The following VEPH1 variants were observed in gnomAD, a reference collection of about 807,000 sequenced individuals.
VEPH1 encodes the protein ventricular zone expressed PH domain containing 1.
A neutral mutation model predicts 85.2 loss-of-function variants in VEPH1; 80 were observed. That is an observed-to-expected ratio of 0.94 (90% CI 0.78 to 1.13). VEPH1 has a LOEUF of 1.13. VEPH1 is among the 50% of genes most tolerant of loss of function. The pLI is 0.00. For synonymous variants in VEPH1, 297 were observed against 348.0 expected (o/e 0.85, Z 1.63); for missense variants, 955 against 980.5 (o/e 0.97, Z 0.35).
At chr3:157,344,534 C>T (rs1395334412) in intron 9 of VEPH1, among the ~76,000 whole-genome samples, 4 of 152,134 alleles carry the variant, frequency 2.6e-5, no homozygotes, top group Admixed American at 2.0e-4. Flanking sequence ...AAAGAGGATA[C>T]AAACAAATGG....
chr3:157,442,444 T>C, intron 4 of VEPH1: 1 of 1,614,236 alleles, frequency 6.2e-7, no homozygotes, highest in Non-Finnish European at 8.5e-7. Context: ...CCAATGAGGC[T>C]TGAGTCTTTT....
intron 13 of VEPH1, among the ~76,000 whole-genome samples, 167 bp from the exon 14 acceptor site, chr3:157,261,537 A>C (rs1399677251): frequency 6.6e-6 from 1 of 152,170 alleles, no homozygotes; most frequent in Non-Finnish European, 1.5e-5. Flanking sequence ...TAACTGAAGG[A>C]GTGAGCAATT....
At chr3:157,498,417 G>C (rs982001517) in intron 1 of VEPH1, among the ~76,000 whole-genome samples, 7 of 152,190 alleles carry the variant, frequency 4.6e-5, no homozygotes, top group Non-Finnish European at 1.0e-4. Flanking sequence ...TGTTTGCCAT[G>C]TGTCAGGTAC....
intron 6 of VEPH1, among the ~76,000 whole-genome samples, chr3:157,384,958 G>T (rs1729136153): frequency 6.6e-6 from 1 of 152,148 alleles, no homozygotes; most frequent in Non-Finnish European, 1.5e-5. Context: ...TATCCCTGCT[G>T]ACACAAATTC....
chr3:157,459,850 CTCA>C, intron 4 of VEPH1: 1 of 1,535,612 alleles, frequency 6.5e-7, no homozygotes, highest in Non-Finnish European at 8.7e-7. Context: ...ACGTGTTCCA[CTCA>C]GTACACAGAG....
In VEPH1 at chr3:157,296,376, C is replaced by T. The variant is rs1337347548; in HGVS notation, c.2011-9702G>A. Among the ~76,000 whole-genome samples the T allele has an allele frequency of 2.0e-5, 3 of 152,132 alleles. No individual in the cohort carries two copies. In the East Asian group the frequency reaches 5.8e-4, roughly 29 times the overall value. On this transcript the variant is annotated intron_variant, in intron 11 of 13. Coordinates refer to ENST00000362010, the MANE Select transcript of VEPH1 (RefSeq NM_001167912.2). ...CAGTTTAGTGAAGCAAAGAGACTAGCAAGGGTCAGACTCTGTGAGGAAGAA... is the reference window on the plus strand; with the variant it reads ...CAGTTTAGTGAAGCAAAGAGACTAGTAAGGGTCAGACTCTGTGAGGAAGAA...
At chr3:157,375,807 T>G (rs911266270) in intron 7 of VEPH1, among the ~76,000 whole-genome samples, 8 of 152,202 alleles carry the variant, frequency 5.3e-5, no homozygotes, top group African/African-American at 1.9e-4. Flanking sequence ...TCAGGCCTGA[T>G]TCTTAAAGTG....
intron 5 of VEPH1, 49 bp from the exon 6 acceptor site, chr3:157,414,139 AAAGTT>A: frequency 7.1e-7 from 1 of 1,414,408 alleles, no homozygotes; most frequent in Non-Finnish European, 9.7e-7. Flanking sequence ...AAGAAAGAGA[AAAGTT>A]AATTAAATTG....
chr3:157,262,237 A>G (rs749850043), intron 13 of VEPH1, among the ~76,000 whole-genome samples: 12 of 152,172 alleles, frequency 7.9e-5, no homozygotes, highest in Non-Finnish European at 1.8e-4. Context: ...ACATCAGGGA[A>G]GTATCCATCA....
At chr3:157,413,307 T>A (rs1731662564) in intron 6 of VEPH1, 2 of 243,236 alleles carry the variant, frequency 8.2e-6, no homozygotes, top group Non-Finnish European at 1.3e-5. Flanking sequence ...TTTAGCCTAG[T>A]ACTTTTAAAC....
intron 12 of VEPH1, among the ~76,000 whole-genome samples, chr3:157,272,752 T>A (rs1269877887): frequency 1.3e-5 from 2 of 152,150 alleles, no homozygotes; most frequent in Non-Finnish European, 2.9e-5. Flanking sequence ...CATGAGCCCC[T>A]GTGCCTAGCC....
intron 9 of VEPH1, among the ~76,000 whole-genome samples, chr3:157,351,832 T>C (rs1265038912): frequency 6.6e-6 from 1 of 152,212 alleles, no homozygotes; most frequent in Non-Finnish European, 1.5e-5. Flanking sequence ...TTCTTTGTTT[T>C]GGGGTGGCGG....
At chr3:157,460,421 C>A in intron 3 of VEPH1, 66 bp from the exon 4 acceptor site, 3 of 1,533,228 alleles carry the variant, frequency 2.0e-6, no homozygotes, top group Non-Finnish European at 2.6e-6. Context: ...TTCATTCACT[C>A]ATTCAAAAAA....
chr3:157,345,228 G>A (rs1172894848), intron 9 of VEPH1, among the ~76,000 whole-genome samples: 1 of 152,154 alleles, frequency 6.6e-6, no homozygotes, highest in Non-Finnish European at 1.5e-5. Context: ...ACTACCATCA[G>A]AGTGAACAGG....
chr3:157,305,009 A>T (rs1719302160), intron 11 of VEPH1, among the ~76,000 whole-genome samples: 1 of 138,038 alleles, frequency 7.2e-6, no homozygotes, highest in South Asian at 2.5e-4. Flanking sequence ...AGAGCCAGGA[A>T]ATAGTTGTCT....
At chr3:157,344,871 A>C (rs555539897) in intron 9 of VEPH1, among the ~76,000 whole-genome samples, 2 of 152,302 alleles carry the variant, frequency 1.3e-5, no homozygotes, top group South Asian at 2.1e-4. Flanking sequence ...AAATAATGCC[A>C]CACATCTACA....
At chr3:157,375,766 AT>A (rs1437862554) in intron 7 of VEPH1, among the ~76,000 whole-genome samples, 5 of 152,174 alleles carry the variant, frequency 3.3e-5, no homozygotes, top group African/African-American at 1.2e-4. Flanking sequence ...AGTTTTGACT[AT>A]AATTTCGCTT....
At chr3:157,332,726 A>G (rs1403227783) in intron 9 of VEPH1, among the ~76,000 whole-genome samples, 2 of 152,224 alleles carry the variant, frequency 1.3e-5, no homozygotes, top group African/African-American at 4.8e-5. Flanking sequence ...TTTGGTTTGA[A>G]CACTTGTTTT....
chr3:157,414,041 G>A lies in VEPH1; in HGVS notation c.746C>T (p.Thr249Ile). The A allele has an allele frequency of 6.2e-7, 1 of 1,613,282 alleles. No individual in the cohort carries two copies. The change falls in exon 6 of 14, where the codon ACC (threonine) becomes ATC (isoleucine). Residue 249 changes from threonine to isoleucine, a missense_variant. Transcript: ENST00000362010. ...GATGTTTAGGATGATGTCATTATGG[G>A]TTGAATCCTTCAAATGCCCAATTAG... ...PFLIGHLKDS[T>I]HNDIILNILI...
Sources: gnomAD v4.1 joint callset for allele counts (sites outside exome capture counted in the v4.1 genomes callset) on GRCh38, gnomAD v4.1.1 for gene constraint, MANE v1.5 for transcripts, NCBI Gene and HGNC (gene_info 2026-07-23, HGNC 2026-07-21) for gene names.